GNG7: variants seen among roughly 807,000 people sequenced by gnomAD.
GNG7 encodes the protein G protein subunit gamma 7.
Under a neutral mutation model 4.0 loss-of-function variants are expected in GNG7, and 1 was observed. The ratio of observed to expected loss-of-function variants is 0.25; its 90% CI spans 0.09 to 1.18. The LOEUF (loss-of-function observed/expected upper bound fraction) is 1.18, where lower values mean the gene tolerates loss of function less well. Among genes scored for constraint, GNG7 ranks in the 50% most tolerant of loss-of-function variants. The pLI is 0.50. For synonymous variants in GNG7, 34 were observed against 36.9 expected (o/e 0.92, Z 0.29); for missense variants, 86 against 91.9 (o/e 0.94, Z 0.26).
chr19:2,683,676 G>A (rs1983799157), intron 1 of GNG7: 1 of 152,406 alleles, frequency 6.6e-6, no homozygotes, highest in Admixed American at 6.5e-5. Context: ...AGCAGGCGGA[G>A]ATGGTGAAAG....
intron 2 of GNG7, among the ~76,000 whole-genome samples, chr19:2,639,596 G>A (rs1193554971): frequency 6.7e-6 from 1 of 148,772 alleles, no homozygotes; most frequent in African/African-American, 2.5e-5. Context: ...GTAGATGGCA[G>A]GCACAGAGCT....
At chr19:2,672,081 G>A (rs1272752279) in intron 1 of GNG7, among the ~76,000 whole-genome samples, 7 of 141,612 alleles carry the variant, frequency 4.9e-5, no homozygotes, top group Admixed American at 1.4e-4. Flanking sequence ...ATGGAGTCTC[G>A]CTCTCTCACC....
chr19:2,545,115 G>T (rs777127900), intron 3 of GNG7, among the ~76,000 whole-genome samples: 1 of 151,914 alleles, frequency 6.6e-6, no homozygotes, highest in African/African-American at 2.4e-5. Flanking sequence ...TTGGGGGTCC[G>T]TGGAATCCCC....
At chr19:2,592,870 AG>A (rs1268605754) in intron 2 of GNG7, among the ~76,000 whole-genome samples, 1 of 142,392 alleles carries the variant, frequency 7.0e-6, no homozygotes, top group African/African-American at 2.6e-5. Flanking sequence ...GGAGAGGAGA[AG>A]GAAAAAAAGA....
At chr19:2,696,324 AAGAAAGAAAGAAAGAAAG>A (rs1377367256) in intron 1 of GNG7, among the ~76,000 whole-genome samples, 1 of 147,628 alleles carries the variant, frequency 6.8e-6, no homozygotes, top group African/African-American at 2.6e-5. Context: ...GAAAGAAAGA[AAGAAAGAAAGAAAGAAAG>A]AAAGAAAAGA....
intron 3 of GNG7, among the ~76,000 whole-genome samples, chr19:2,544,732 C>T (rs570953662): frequency 1.3e-5 from 2 of 152,224 alleles, no homozygotes; most frequent in Admixed American, 1.3e-4. Flanking sequence ...TTCAGCCCCG[C>T]CAGGAAACCC....
intron 1 of GNG7, among the ~76,000 whole-genome samples, chr19:2,692,878 T>C (rs192952204): frequency 1.5e-4 from 22 of 151,022 alleles, no homozygotes; most frequent in African/African-American, 5.4e-4. Context: ...CTTGGCCATC[T>C]GGGAGGCTGA....
At chr19:2,537,168 C>T (rs1051591899) in intron 3 of GNG7, among the ~76,000 whole-genome samples, 5 of 151,596 alleles carry the variant, frequency 3.3e-5, no homozygotes, top group African/African-American at 1.2e-4. Flanking sequence ...CCAGGATGGT[C>T]TCCATCTCCT....
chr19:2,526,250 G>A lies in GNG7; in HGVS notation c.-37-5525C>T, dbSNP rs549815326. On this transcript the variant is annotated intron_variant, in intron 3 of 4. Coordinates refer to ENST00000382159, the MANE Select transcript of GNG7 (RefSeq NM_052847.3). ...CTCCCAGAGTGCTGGGATTAAAGGC[G>A]TGAGCCACTGCGCCTGGCCAATTTT... 4.6e-5 allele frequency among the ~76,000 whole-genome samples: 7 copies of A among 151,804 alleles called. No homozygotes were observed. The South Asian group carries it at 6.2e-4, about 13-fold the overall frequency.
intron 2 of GNG7, among the ~76,000 whole-genome samples, chr19:2,608,340 C>T (rs1335824460): frequency 2.0e-5 from 3 of 151,990 alleles, no homozygotes; most frequent in Non-Finnish European, 4.4e-5. Flanking sequence ...GTCCCCGAAG[C>T]CCCTGCAAGG....
At chr19:2,556,312 G>A (rs1256225994) in intron 2 of GNG7, among the ~76,000 whole-genome samples, 1 of 152,150 alleles carries the variant, frequency 6.6e-6, no homozygotes, top group African/African-American at 2.4e-5. Flanking sequence ...GGGCTTGCCC[G>A]GCGAGGTCAG....
At chr19:2,685,750 G>A (rs1047301246) in intron 1 of GNG7, among the ~76,000 whole-genome samples, 1 of 152,178 alleles carries the variant, frequency 6.6e-6, no homozygotes, top group Non-Finnish European at 1.5e-5. Flanking sequence ...CGGATGCCCA[G>A]TAACGTCCGT....
rs1978884475 is a variant in GNG7 at position 2,539,770 on chromosome 19, G to T, written c.-38+15379C>A. Among the ~76,000 whole-genome samples, 4 of 152,086 alleles carry T rather than the reference G, an allele frequency of 2.6e-5. No homozygotes were observed. In the South Asian group the frequency reaches 8.3e-4, roughly 31 times the overall value. ...AGGGTTTAGGGAGAACAACCTAGAG[G>T]CCTTGCTCATCCAGTGGCCTAAAGT... On this transcript the variant is annotated intron_variant, in intron 3 of 4. Coordinates refer to ENST00000382159, the MANE Select transcript of GNG7 (RefSeq NM_052847.3).
In GNG7 at chr19:2,657,006, G is replaced by A. The variant is rs56328163; in HGVS notation, c.-134-10726C>T. On this transcript the variant is annotated intron_variant, in intron 1 of 4. Transcript: ENST00000382159. ...GAGAGGCCTTAAAACATGAAACAGC[G>A]TCAGATCAATTTTCAATGATTGTCT... Among the ~76,000 whole-genome samples the A allele has an allele frequency of 5.3e-5, 8 of 151,982 alleles. No homozygotes were observed. In the South Asian group the frequency reaches 8.3e-4, roughly 16 times the overall value.
At chr19:2,581,202 C>A (rs960326173) in intron 2 of GNG7, among the ~76,000 whole-genome samples, 1 of 151,972 alleles carries the variant, frequency 6.6e-6, no homozygotes, top group Non-Finnish European at 1.5e-5. Context: ...TCGCCGCAGG[C>A]CCAGCCTGAA....
At chr19:2,684,135 A>AT (rs547594113) in intron 1 of GNG7, among the ~76,000 whole-genome samples, 13,159 of 125,262 alleles carry the variant, frequency 0.11, 950 homozygotes, top group African/African-American at 0.18. Context: ...CAGCCTGGCC[A>AT]TTTTTTTTTT....
At chr19:2,659,285 A>G (rs1983080819) in intron 1 of GNG7, among the ~76,000 whole-genome samples, 1 of 148,866 alleles carries the variant, frequency 6.7e-6, no homozygotes, top group Non-Finnish European at 1.5e-5. Context: ...TTTTTTAAAT[A>G]AAGGAGAGGA....
intron 2 of GNG7, among the ~76,000 whole-genome samples, chr19:2,563,336 C>T (rs1251304170): frequency 1.3e-5 from 2 of 152,142 alleles, no homozygotes; most frequent in East Asian, 1.9e-4. Context: ...GGGCCGTCCT[C>T]GGCACTGTAG....
At chr19:2,536,199 C>T (rs769507998) in intron 3 of GNG7, among the ~76,000 whole-genome samples, 14 of 151,980 alleles carry the variant, frequency 9.2e-5, no homozygotes, top group Admixed American at 1.3e-4. Flanking sequence ...GGGCGGATCA[C>T]GAGGTCAGGA....
Sources: allele counts gnomAD v4.1 joint callset (sites outside exome capture counted in the v4.1 genomes callset), GRCh38; gene constraint gnomAD v4.1.1; transcripts MANE v1.5; gene names NCBI Gene and HGNC (gene_info 2026-07-23, HGNC 2026-07-21).